Variants in GMDS observed in about 807,000 individuals in gnomAD.
GMDS encodes GDP-mannose 4,6 dehydratase.
In GMDS, 20 loss-of-function variants were observed where a neutral mutation model predicts 49.9. That is an observed-to-expected ratio of 0.40 (90% CI 0.28 to 0.58). GMDS has a LOEUF of 0.58. Among genes scored for constraint, GMDS ranks in the 20% least tolerant of loss-of-function variants. The pLI, the probability that GMDS is intolerant of heterozygous loss-of-function variation, is 0.42. For missense variants in GMDS, 362 were observed against 481.4 expected, an observed-to-expected ratio of 0.75 and a Z score of 2.32; for synonymous variants, 177 against 178.6, an observed-to-expected ratio of 0.99 and a Z score of 0.07.
At chr6:2,210,217 C>CA (rs1316507096) in intron 1 of GMDS, among the ~76,000 whole-genome samples, 1 of 152,200 alleles carries the variant, frequency 6.6e-6, no homozygotes, top group East Asian at 1.9e-4. Context: ...GCCCAGTTAG[C>CA]ATCCCAGGTC....
At chr6:2,163,614 G>A (rs1173039983) in intron 1 of GMDS, among the ~76,000 whole-genome samples, 1 of 152,294 alleles carries the variant, frequency 6.6e-6, no homozygotes, top group Middle Eastern at 3.4e-3. Flanking sequence ...TGAGTCCAAA[G>A]GGAGGAAAAG....
In GMDS at chr6:1,853,830, A is replaced by G. The variant is rs146941876; in HGVS notation, c.771+76273T>C. Among the ~76,000 whole-genome samples, 16 of 152,326 alleles carry G rather than the reference A, an allele frequency of 1.1e-4. No homozygotes were observed. The East Asian group carries it at 3.1e-3, about 29-fold the overall frequency. Reference sequence around the variant, plus strand: ...CTATGTGGATCAAACTTACTTATTCATTGTAGAAAATCCCCCGAGTTGAAT... The same window carrying G: ...CTATGTGGATCAAACTTACTTATTCGTTGTAGAAAATCCCCCGAGTTGAAT... On this transcript the variant is annotated intron_variant, in intron 7 of 10. Coordinates refer to ENST00000380815, the MANE Select transcript of GMDS (RefSeq NM_001500.4).
At chr6:1,924,235 C>T (rs538223482) in intron 7 of GMDS, among the ~76,000 whole-genome samples, 4 of 152,222 alleles carry the variant, frequency 2.6e-5, no homozygotes, top group African/African-American at 9.6e-5. Flanking sequence ...ATGATTCAGT[C>T]TGTGCTCACT....
rs1166195727 is a variant in GMDS at position 1,652,455 on chromosome 6, TTA to T, written c.988-27917_988-27916del. Among the ~76,000 whole-genome samples, 23 of 9,190 alleles carry T rather than the reference TTA, an allele frequency of 2.5e-3. 1 individual carries two copies. The highest frequency in any genetic ancestry group is 7.9e-3 in the African/African-American group (20 of 2,534). 6.0% of individuals were successfully genotyped at this position (9,190 alleles called of 152,430 possible). On this transcript the variant is annotated intron_variant, in intron 9 of 10. Coordinates refer to ENST00000380815, the MANE Select transcript of GMDS (RefSeq NM_001500.4). Reference sequence around the variant, plus strand: ...TATATTATATATATTTATATATTATTTATATATAATATATTATATATATTATA... The same window carrying T: ...TATATTATATATATTTATATATTATTTATATAATATATTATATATATTATA...
intron 1 of GMDS, among the ~76,000 whole-genome samples, chr6:2,134,160 T>C (rs1328253915): frequency 1.3e-5 from 2 of 152,232 alleles, no homozygotes; most frequent in Non-Finnish European, 2.9e-5. Context: ...GGTGTGATTC[T>C]AGATAGCTCA....
chr6:2,144,901 C>G (rs114267402), intron 1 of GMDS, among the ~76,000 whole-genome samples: 7 of 152,086 alleles, frequency 4.6e-5, no homozygotes, highest in African/African-American at 1.7e-4. Context: ...AGGCAGCACT[C>G]AAAGCACATC....
At chr6:2,144,895 A>G (rs1377298394) in intron 1 of GMDS, among the ~76,000 whole-genome samples, 1 of 152,214 alleles carries the variant, frequency 6.6e-6, no homozygotes, top group Non-Finnish European at 1.5e-5. Context: ...CCACAAAGGC[A>G]GCACTCAAAG....
intron 4 of GMDS, among the ~76,000 whole-genome samples, chr6:1,962,271 C>A (rs1763992456): frequency 6.6e-6 from 1 of 152,186 alleles, no homozygotes; most frequent in South Asian, 2.1e-4. Context: ...TGGTCCCCAA[C>A]TCTCACTCTG....
At chr6:2,128,882 T>C (rs1775589155) in intron 1 of GMDS, among the ~76,000 whole-genome samples, 1 of 152,140 alleles carries the variant, frequency 6.6e-6, no homozygotes, top group African/African-American at 2.4e-5. Context: ...GTCTGGGTTT[T>C]TGGGGGACTG....
chr6:2,018,082 A>G (rs555463498), intron 4 of GMDS, among the ~76,000 whole-genome samples: 1 of 152,212 alleles, frequency 6.6e-6, no homozygotes, highest in South Asian at 2.1e-4. Context: ...AACCTTTACA[A>G]TTTTTGTTTC....
At chr6:1,806,428 G>A (rs925792805) in intron 7 of GMDS, among the ~76,000 whole-genome samples, 3 of 142,998 alleles carry the variant, frequency 2.1e-5, no homozygotes, top group African/African-American at 8.2e-5. Context: ...AAGAGACCTC[G>A]AGCACATGGG....
chr6:1,951,793 AT>A, intron 6 of GMDS: 2 of 554,694 alleles, frequency 3.6e-6, no homozygotes, highest in Non-Finnish European at 4.6e-6. Flanking sequence ...ATATTCTAAT[AT>A]TATAAAACTA....
chr6:1,852,323 A>G (rs1757714231), intron 7 of GMDS, among the ~76,000 whole-genome samples: 1 of 152,212 alleles, frequency 6.6e-6, no homozygotes, highest in Non-Finnish European at 1.5e-5. Context: ...AAATCAAACA[A>G]TAAATTTACA....
At chr6:1,978,974 A>G (rs1765074238) in intron 4 of GMDS, among the ~76,000 whole-genome samples, 3 of 152,108 alleles carry the variant, frequency 2.0e-5, no homozygotes, top group African/African-American at 7.2e-5. Flanking sequence ...TAGGGTCTGG[A>G]GTGGCCAGAC....
In GMDS at chr6:2,025,706, C is replaced by A. The variant is rs569760391; in HGVS notation, c.346-64740G>T. 3.3e-5 allele frequency among the ~76,000 whole-genome samples: 5 copies of A among 152,178 alleles called. No homozygotes were observed. In the East Asian group the frequency reaches 7.7e-4, roughly 24 times the overall value. ...AAATGAATGAATAAAGATGTATATACCATGTAGCCAGCTGCTAAGTCAGTA... is the reference window on the plus strand; with the variant it reads ...AAATGAATGAATAAAGATGTATATAACATGTAGCCAGCTGCTAAGTCAGTA... On this transcript the variant is annotated intron_variant, in intron 4 of 10. Transcript: ENST00000380815.
At chr6:1,666,180 G>A (rs535438728) in intron 9 of GMDS, among the ~76,000 whole-genome samples, 4 of 152,184 alleles carry the variant, frequency 2.6e-5, no homozygotes, top group African/African-American at 2.4e-5. Context: ...AGCAAAGGCC[G>A]TGAGAGTCCC....
At chr6:2,237,882 A>G (rs1460200537) in intron 1 of GMDS, among the ~76,000 whole-genome samples, 1 of 152,200 alleles carries the variant, frequency 6.6e-6, no homozygotes, top group Non-Finnish European at 1.5e-5. Context: ...GGAGAAAGAA[A>G]GGAGAAAACT....
intron 1 of GMDS, among the ~76,000 whole-genome samples, chr6:2,197,958 T>C (rs1779346506): frequency 6.6e-6 from 1 of 152,114 alleles, no homozygotes; most frequent in Admixed American, 6.5e-5. Flanking sequence ...GAAAGCCAGG[T>C]CTCCCCAAAT....
At chr6:1,919,856 C>T (rs1561891402) in intron 7 of GMDS, among the ~76,000 whole-genome samples, 1 of 152,172 alleles carries the variant, frequency 6.6e-6, no homozygotes. Flanking sequence ...CCGTTGATGC[C>T]CTGGGCCATC....
Sources: gnomAD v4.1 joint callset for allele counts (sites outside exome capture counted in the v4.1 genomes callset) on GRCh38, gnomAD v4.1.1 for gene constraint, MANE v1.5 for transcripts, NCBI Gene and HGNC (gene_info 2026-07-23, HGNC 2026-07-21) for gene names.